CNOT4: variants seen among roughly 807,000 people sequenced by gnomAD.
The protein encoded by CNOT4 is CCR4-associated factor 4.
In CNOT4, 8 loss-of-function variants were observed where a neutral mutation model predicts 73.8. That is an observed-to-expected ratio of 0.11 (90% CI 0.06 to 0.20). CNOT4 has a LOEUF of 0.20. Among genes scored for constraint, CNOT4 ranks in the 10% least tolerant of loss-of-function variants. The pLI is 1.00. For synonymous variants in CNOT4, 293 were observed against 321.1 expected, an observed-to-expected ratio of 0.91 and a Z score of 0.94; for missense variants, 564 against 883.4, an observed-to-expected ratio of 0.64 and a Z score of 4.58.
intron 2 of CNOT4, among the ~76,000 whole-genome samples, chr7:135,430,455 T>C (rs942019816): frequency 7.2e-5 from 11 of 151,830 alleles, no homozygotes; most frequent in Non-Finnish European, 4.4e-5. Context: ...CTGGGCAACA[T>C]AGCGAGCCCA....
intron 7 of CNOT4, among the ~76,000 whole-genome samples, chr7:135,404,630 C>T (rs1273895324): frequency 1.3e-5 from 2 of 152,116 alleles, no homozygotes; most frequent in Non-Finnish European, 2.9e-5. Context: ...CATGCAGTGA[C>T]CATTCCCATT....
intron 1 of CNOT4, among the ~76,000 whole-genome samples, chr7:135,503,782 TAGAA>T (rs1456043323): frequency 1.3e-5 from 2 of 152,026 alleles, no homozygotes; most frequent in African/African-American, 2.4e-5. Context: ...TATAATCAAA[TAGAA>T]AGGATTTCCA....
chr7:135,455,705 T>C (rs1800483580), intron 1 of CNOT4, among the ~76,000 whole-genome samples: 1 of 151,826 alleles, frequency 6.6e-6, no homozygotes, highest in Non-Finnish European at 1.5e-5. Flanking sequence ...TGAAACCCTA[T>C]CTCTACTAAA....
chr7:135,392,976 T>C (rs1164995787), intron 10 of CNOT4, among the ~76,000 whole-genome samples: 21 of 152,164 alleles, frequency 1.4e-4, no homozygotes, highest in Admixed American at 1.4e-3. Context: ...TAACAATAAA[T>C]TGTATGAATT....
At chr7:135,488,154 T>C (rs539755504) in intron 1 of CNOT4, among the ~76,000 whole-genome samples, 2 of 152,256 alleles carry the variant, frequency 1.3e-5, no homozygotes, top group Admixed American at 6.5e-5. Flanking sequence ...AAAAAATTAA[T>C]ATAAATAAAA....
chr7:135,470,133 T>G (rs146556129), intron 1 of CNOT4, among the ~76,000 whole-genome samples: 434 of 150,212 alleles, frequency 2.9e-3, no homozygotes, highest in African/African-American at 0.01. Context: ...TGGTGTGTTT[T>G]TTTGGGGGGG....
chr7:135,475,346 A>C (rs1801921428), intron 1 of CNOT4, among the ~76,000 whole-genome samples: 1 of 152,206 alleles, frequency 6.6e-6, no homozygotes, highest in South Asian at 2.1e-4. Context: ...TATCATGACT[A>C]AAATTATACC....
At chr7:135,472,684 C>T (rs1294692842) in intron 1 of CNOT4, among the ~76,000 whole-genome samples, 2 of 149,642 alleles carry the variant, frequency 1.3e-5, no homozygotes, top group African/African-American at 2.5e-5. Context: ...TTTAAATATG[C>T]AACACACGAA....
At chr7:135,383,648 A>G (rs995267528) in intron 10 of CNOT4, among the ~76,000 whole-genome samples, 4 of 152,196 alleles carry the variant, frequency 2.6e-5, no homozygotes, top group African/African-American at 9.6e-5. Flanking sequence ...GACGGTTACA[A>G]AAGACAAGCT....
At chr7:135,474,362 G>T (rs988822960) in intron 1 of CNOT4, among the ~76,000 whole-genome samples, 1 of 140,428 alleles carries the variant, frequency 7.1e-6, no homozygotes, top group African/African-American at 2.7e-5. Flanking sequence ...TCAGCTCACT[G>T]CAACCTTCAT....
intron 1 of CNOT4, among the ~76,000 whole-genome samples, chr7:135,463,077 A>G (rs1458398744): frequency 6.6e-6 from 1 of 152,148 alleles, no homozygotes; most frequent in East Asian, 1.9e-4. Flanking sequence ...ATTCTGTTCC[A>G]TTGGTCTATG....
chr7:135,466,344 T>A (rs1012657040), intron 1 of CNOT4, among the ~76,000 whole-genome samples: 1 of 150,356 alleles, frequency 6.7e-6, no homozygotes, highest in African/African-American at 2.5e-5. Context: ...CGTGGTGGCA[T>A]GCACCTGTAA....
At chr7:135,501,026 C>G (rs985843677) in intron 1 of CNOT4, among the ~76,000 whole-genome samples, 1 of 150,606 alleles carries the variant, frequency 6.6e-6, no homozygotes, top group African/African-American at 2.4e-5. Context: ...TTCTGTAGCC[C>G]AGGCTGGAGT....
At chr7:135,377,761 C>T (rs1223757272) in intron 10 of CNOT4, among the ~76,000 whole-genome samples, 1 of 152,080 alleles carries the variant, frequency 6.6e-6, no homozygotes, top group Non-Finnish European at 1.5e-5. Context: ...AGTGTTCATC[C>T]TTAGCAATAA....
intron 8 of CNOT4, among the ~76,000 whole-genome samples, chr7:135,396,703 C>G (rs958303679): frequency 2.6e-5 from 4 of 151,236 alleles, no homozygotes; most frequent in African/African-American, 9.8e-5. Flanking sequence ...AATTGAAAGA[C>G]TTGAGTGGTA....
intron 1 of CNOT4, among the ~76,000 whole-genome samples, chr7:135,504,896 G>A (rs1283644978): frequency 3.3e-5 from 5 of 152,014 alleles, no homozygotes. Context: ...CCAAAGTGCT[G>A]GGATTACAGG....
intron 7 of CNOT4, among the ~76,000 whole-genome samples, chr7:135,405,454 T>C (rs1031962179): frequency 6.6e-6 from 1 of 152,160 alleles, no homozygotes; most frequent in Non-Finnish European, 1.5e-5. Flanking sequence ...GGTACTTAAA[T>C]AGCATCTCAA....
At position 135,394,150 on chromosome 7, in the gene CNOT4, G is replaced by A; in HGVS notation, c.1395C>T (p.Leu465=). ...HPAAATNANS[L]NSTFSVLPQR... The stretch of plus-strand genomic sequence containing the variant: ...GGGGCAAGACTGAAAAGGTACTATT[G>A]AGAGAATTGGCATTTGTAGCTGCAG... The change falls in exon 10 of 12, where the codon CTC becomes CTT. Residue 465 remains leucine, a synonymous_variant. Coordinates refer to ENST00000541284, the MANE Select transcript of CNOT4 (RefSeq NM_001190850.2). The A allele has an allele frequency of 6.2e-7, 1 of 1,614,214 alleles. No individual in the cohort carries two copies. Among genetic ancestry groups the A allele is most frequent in the Non-Finnish European group, 8.5e-7 (1 of 1,180,022 alleles).
intron 5 of CNOT4, 148 bp from the exon 6 acceptor site, chr7:135,413,761 A>G (rs1182694666): frequency 6.2e-6 from 4 of 641,702 alleles, no homozygotes; most frequent in Admixed American, 3.3e-5. Context: ...CTAGAGAACT[A>G]AACTCTTATT....
Sources: gnomAD v4.1 joint callset for allele counts (sites outside exome capture counted in the v4.1 genomes callset) on GRCh38, gnomAD v4.1.1 for gene constraint, MANE v1.5 for transcripts, NCBI Gene and HGNC (gene_info 2026-07-23, HGNC 2026-07-21) for gene names.